The following NLGN1 variants were observed in gnomAD, a reference collection of about 807,000 sequenced individuals.
The protein encoded by NLGN1 is neuroligin-1.
NLGN1 carries 12 observed loss-of-function variants against 65.5 expected under a neutral mutation model. That is an observed-to-expected ratio of 0.18 (90% confidence interval 0.12 to 0.30). The LOEUF (loss-of-function observed/expected upper bound fraction) is 0.30, where lower values mean the gene tolerates loss of function less well. NLGN1 is among the 10% of genes least tolerant of loss of function. The pLI is 1.00. For missense variants in NLGN1, 750 were observed against 1,007.1 expected (o/e 0.74, Z 3.46); for synonymous variants, 350 against 359.5 (o/e 0.97, Z 0.30).
chr3:173,838,451 G>A (rs1481580092), intron 4 of NLGN1, among the ~76,000 whole-genome samples: 1 of 152,024 alleles, frequency 6.6e-6, no homozygotes, highest in Admixed American at 6.5e-5. Context: ...ACTGATTTAG[G>A]TTACCATTTT....
chr3:173,788,833 TAAAAAAAAAAA>T (rs3979635), intron 3 of NLGN1, among the ~76,000 whole-genome samples: 21 of 53,538 alleles, frequency 3.9e-4, no homozygotes, highest in South Asian at 1.8e-3. Flanking sequence ...AGACCTCATT[TAAAAAAAAAAA>T]AAAAAAAAAA....
intron 4 of NLGN1, among the ~76,000 whole-genome samples, chr3:174,076,247 C>G (rs981318366): frequency 6.6e-6 from 1 of 151,944 alleles, no homozygotes; most frequent in Non-Finnish European, 1.5e-5. Flanking sequence ...CATTTCTTTA[C>G]ATATATGTAT....
chr3:173,425,920 G>A (rs971417866), intron 1 of NLGN1, among the ~76,000 whole-genome samples: 1 of 151,890 alleles, frequency 6.6e-6, no homozygotes, highest in African/African-American at 2.4e-5. Context: ...GATCACTTTG[G>A]GTAGTATGGA....
At chr3:173,896,795 C>G (rs939736963) in intron 4 of NLGN1, among the ~76,000 whole-genome samples, 7 of 152,118 alleles carry the variant, frequency 4.6e-5, no homozygotes, top group Non-Finnish European at 1.0e-4. Context: ...AGCACCACTC[C>G]CATCCGCTCT....
chr3:173,744,833 T>TA (rs10645666), intron 3 of NLGN1, among the ~76,000 whole-genome samples: 239 of 140,594 alleles, frequency 1.7e-3, no homozygotes, highest in East Asian at 9.9e-3. Flanking sequence ...TTTATTTATT[T>TA]TTTTTTTGAC....
intron 1 of NLGN1, among the ~76,000 whole-genome samples, chr3:173,420,538 A>C (rs1405879232): frequency 6.6e-6 from 1 of 152,162 alleles, no homozygotes; most frequent in Non-Finnish European, 1.5e-5. Context: ...CAATAAACAT[A>C]CGTGTGCATG....
intron 1 of NLGN1, among the ~76,000 whole-genome samples, chr3:173,411,065 G>A (rs566734027): frequency 1.3e-5 from 2 of 152,364 alleles, no homozygotes; most frequent in South Asian, 2.1e-4. Flanking sequence ...AGTGTACAGA[G>A]TGATAATGCA....
intron 3 of NLGN1, among the ~76,000 whole-genome samples, chr3:173,650,138 A>ATT (rs5854527): frequency 1.3e-5 from 2 of 151,796 alleles, no homozygotes; most frequent in South Asian, 2.1e-4. Flanking sequence ...TTACAGTTTG[A>ATT]TTTTTTTTAA....
At chr3:173,751,480 G>C (rs1327752135) in intron 3 of NLGN1, among the ~76,000 whole-genome samples, 1 of 151,918 alleles carries the variant, frequency 6.6e-6, no homozygotes, top group Non-Finnish European at 1.5e-5. Flanking sequence ...TGTGAGTATA[G>C]CTATTATTTC....
the NLGN1 span, among the ~76,000 whole-genome samples, chr3:174,294,219 T>TA: frequency 3.9e-5 from 6 of 151,932 alleles, no homozygotes; most frequent in East Asian, 1.2e-3. Context: ...TAAATTGAGG[T>TA]AAAACATCTT....
At chr3:173,655,606 C>G (rs1196923192) in intron 3 of NLGN1, among the ~76,000 whole-genome samples, 1 of 151,928 alleles carries the variant, frequency 6.6e-6, no homozygotes, top group East Asian at 1.9e-4. Flanking sequence ...CTCTAGTTCT[C>G]TGTTCTTTCT....
At chr3:173,649,587 A>T (rs1459899469) in intron 3 of NLGN1, among the ~76,000 whole-genome samples, 1 of 152,100 alleles carries the variant, frequency 6.6e-6, no homozygotes, top group African/African-American at 2.4e-5. Context: ...ATTCCCTCCT[A>T]GTGTTCTCCT....
At chr3:173,828,520 C>T (rs1449692094) in intron 4 of NLGN1, among the ~76,000 whole-genome samples, 2 of 152,062 alleles carry the variant, frequency 1.3e-5, no homozygotes, top group Admixed American at 1.3e-4. Flanking sequence ...GCAGCAAACA[C>T]AAGATACAAT....
intron 4 of NLGN1, among the ~76,000 whole-genome samples, chr3:174,191,844 T>C (rs1732447117): frequency 1.3e-5 from 2 of 152,126 alleles, no homozygotes; most frequent in Admixed American, 6.6e-5. Flanking sequence ...CAATGATCTA[T>C]CTCCAAATGA....
At chr3:173,548,450 T>C (rs1336245161) in intron 2 of NLGN1, among the ~76,000 whole-genome samples, 2 of 151,418 alleles carry the variant, frequency 1.3e-5, no homozygotes, top group African/African-American at 2.4e-5. Context: ...CTGGGAACTG[T>C]GCTTGGAACC....
intron 1 of NLGN1, among the ~76,000 whole-genome samples, chr3:173,402,740 G>C (rs1335210918): frequency 6.6e-6 from 1 of 152,138 alleles, no homozygotes; most frequent in African/African-American, 2.4e-5. Flanking sequence ...TCTTTATCTA[G>C]AAGGAAACTT....
At chr3:174,074,504 T>C (rs1740517328) in intron 4 of NLGN1, among the ~76,000 whole-genome samples, 1 of 152,200 alleles carries the variant, frequency 6.6e-6, no homozygotes, top group African/African-American at 2.4e-5. Flanking sequence ...TGATTACTTA[T>C]TTTCTTGTTG....
chr3:173,805,291 G>A (rs912577159), intron 3 of NLGN1, among the ~76,000 whole-genome samples: 5 of 152,026 alleles, frequency 3.3e-5, no homozygotes, highest in African/African-American at 9.7e-5. Context: ...TCAGAACACA[G>A]CATAAGAATA....
At chr3:173,845,742 T>C (rs1725656532) in intron 4 of NLGN1, among the ~76,000 whole-genome samples, 1 of 152,144 alleles carries the variant, frequency 6.6e-6, no homozygotes, top group South Asian at 2.1e-4. Flanking sequence ...AGTTTCTTCA[T>C]TTATAGGTGA....
Sources: gnomAD v4.1 joint callset for allele counts (sites outside exome capture counted in the v4.1 genomes callset) on GRCh38, gnomAD v4.1.1 for gene constraint, MANE v1.5 for transcripts, NCBI Gene and HGNC (gene_info 2026-07-23, HGNC 2026-07-21) for gene names.